The following CCSER1 variants were observed in gnomAD, a reference collection of about 807,000 sequenced individuals.
CCSER1 encodes coiled-coil serine rich protein 1, also known as serine-rich coiled-coil domain-containing protein 1.
A neutral mutation model predicts 82.0 loss-of-function variants in CCSER1; 41 were observed. The observed-to-expected ratio is 0.50, with a 90% CI of 0.39 to 0.65. The LOEUF (loss-of-function observed/expected upper bound fraction) is 0.65. Among genes scored for constraint, CCSER1 ranks in the 30% least tolerant of loss-of-function variants. The probability of loss-of-function intolerance (pLI) is 0.00; values close to 1 mark genes in which losing one functional copy is unlikely to be tolerated. For synonymous variants in CCSER1, 414 were observed against 383.9 expected (o/e 1.08, Z -0.92); for missense variants, 1,119 against 1,064.2 (o/e 1.05, Z -0.72).
At chr4:90,143,481 A>G (rs1051501858) in intron 1 of CCSER1, among the ~76,000 whole-genome samples, 1 of 95,846 alleles carries the variant, frequency 1.0e-5, no homozygotes, top group African/African-American at 3.7e-5. Context: ...TTTCCTAGCA[A>G]GTACACACAT....
intron 10 of CCSER1, among the ~76,000 whole-genome samples, chr4:91,434,751 A>G (rs1009599925): frequency 7.2e-5 from 11 of 152,190 alleles, no homozygotes; most frequent in Non-Finnish European, 4.4e-5. Flanking sequence ...TGAACTTGCC[A>G]TACATATTCC....
chr4:90,152,792 G>A (rs1812076), intron 1 of CCSER1, among the ~76,000 whole-genome samples: 43,178 of 151,850 alleles, frequency 0.28, 7,842 homozygotes, highest in Non-Finnish European at 0.41. Context: ...TGTAGATGAT[G>A]GGAGGTGCTT....
At chr4:90,411,580 G>A (rs557007199) in intron 4 of CCSER1, among the ~76,000 whole-genome samples, 3 of 152,028 alleles carry the variant, frequency 2.0e-5, no homozygotes, top group South Asian at 4.1e-4. Flanking sequence ...ACAACACTTC[G>A]TGCTAAAAAC....
intron 10 of CCSER1, among the ~76,000 whole-genome samples, chr4:91,475,521 C>CA (rs1757544220): frequency 6.6e-6 from 1 of 151,710 alleles, no homozygotes; most frequent in African/African-American, 2.4e-5. Context: ...TTTTAAAACA[C>CA]AGAGTTTTGA....
chr4:90,534,475 G>GTGTT (rs1553935649), intron 5 of CCSER1, among the ~76,000 whole-genome samples: 82 of 150,958 alleles, frequency 5.4e-4, no homozygotes, highest in East Asian at 3.3e-3. Flanking sequence ...GTGTGTGTGT[G>GTGTT]TGTGTGTGTG....
chr4:90,193,767 A>G (rs1736077041), intron 1 of CCSER1, among the ~76,000 whole-genome samples: 1 of 152,044 alleles, frequency 6.6e-6, no homozygotes, highest in Admixed American at 6.6e-5. Flanking sequence ...TCATTTGATA[A>G]AAAAGAAAAA....
intron 6 of CCSER1, among the ~76,000 whole-genome samples, chr4:90,672,752 C>G (rs11097259): frequency 0.46 from 69,779 of 151,828 alleles, 16,424 homozygotes; most frequent in Middle Eastern, 0.59. Context: ...GTAACTCTTC[C>G]TTTCACTTGA....
chr4:91,363,487 G>T (rs1380654842), intron 10 of CCSER1, among the ~76,000 whole-genome samples: 1 of 151,402 alleles, frequency 6.6e-6, no homozygotes, highest in African/African-American at 2.4e-5. Context: ...TAACTAAACT[G>T]GCTTGTCAAG....
At chr4:91,283,386 G>A (rs1743059965) in intron 10 of CCSER1, among the ~76,000 whole-genome samples, 1 of 151,860 alleles carries the variant, frequency 6.6e-6, no homozygotes, top group African/African-American at 2.4e-5. Context: ...TAGTATTTGA[G>A]GTAGAAAAAG....
At chr4:91,410,844 T>G (rs1752978512) in intron 10 of CCSER1, among the ~76,000 whole-genome samples, 1 of 152,128 alleles carries the variant, frequency 6.6e-6, no homozygotes, top group African/African-American at 2.4e-5. Flanking sequence ...CAAACATGAT[T>G]TATGATAATG....
intron 1 of CCSER1, among the ~76,000 whole-genome samples, chr4:90,258,193 A>G (rs917926394): frequency 6.6e-5 from 10 of 152,188 alleles, no homozygotes; most frequent in African/African-American, 2.2e-4. Flanking sequence ...CTGGTATGAC[A>G]TCACAGAAAA....
rs1215609189 is a variant in CCSER1, at chr4:90,391,485, TACAC to T, written c.1510-8543_1510-8540del. Among the ~76,000 whole-genome samples, 537 of 76,554 alleles carry T rather than the reference TACAC, an allele frequency of 7.0e-3. 9 individuals are homozygous for T. The highest frequency in any genetic ancestry group is 0.028 in the African/African-American group (366 of 13,062). 50.2% of individuals were successfully genotyped at this position (76,554 alleles called of 152,430 possible). A position where few individuals can be genotyped will look rare whatever the true frequency, so the allele number is the denominator to read the frequency against. On this transcript the variant is annotated intron_variant, in intron 3 of 10. Coordinates refer to ENST00000509176, the MANE Select transcript of CCSER1 (RefSeq NM_001145065.2). ...ATATATATATATATATATATATATA[TACAC>T]ACACACAGTGGGTAAATATATATAT...
At chr4:90,408,371 G>A (rs966870056) in intron 4 of CCSER1, among the ~76,000 whole-genome samples, 3 of 152,176 alleles carry the variant, frequency 2.0e-5, no homozygotes, top group Non-Finnish European at 2.9e-5. Flanking sequence ...AGCCTAACTG[G>A]GAGGCATCCC....
At chr4:91,079,142 T>C (rs1336898083) in intron 9 of CCSER1, among the ~76,000 whole-genome samples, 1 of 151,914 alleles carries the variant, frequency 6.6e-6, no homozygotes, top group Admixed American at 6.6e-5. Context: ...TCACCAAAGT[T>C]GAAACAAAGG....
intron 10 of CCSER1, among the ~76,000 whole-genome samples, chr4:91,369,731 C>T (rs1038676191): frequency 7.9e-5 from 10 of 126,972 alleles, no homozygotes; most frequent in African/African-American, 1.5e-4. Context: ...TGCAGTGGCA[C>T]GATCTTGGCT....
intron 10 of CCSER1, among the ~76,000 whole-genome samples, chr4:91,379,079 C>G (rs576880988): frequency 7.9e-5 from 12 of 152,046 alleles, no homozygotes; most frequent in Non-Finnish European, 1.3e-4. Flanking sequence ...GTTGAACCAG[C>G]CTTGCATCCC....
At chr4:90,570,275 T>C (rs1465639255) in intron 5 of CCSER1, among the ~76,000 whole-genome samples, 4 of 152,250 alleles carry the variant, frequency 2.6e-5, no homozygotes, top group Non-Finnish European at 5.9e-5. Context: ...GATCTAGGCT[T>C]GGAAGAAGCC....
chr4:90,575,202 T>A (rs563915112), intron 5 of CCSER1, among the ~76,000 whole-genome samples: 1 of 152,350 alleles, frequency 6.6e-6, no homozygotes, highest in South Asian at 2.1e-4. Context: ...ACTGAGTAAT[T>A]TATAATGAAT....
At chr4:90,805,859 A>G (rs1466392257) in intron 7 of CCSER1, among the ~76,000 whole-genome samples, 3 of 152,206 alleles carry the variant, frequency 2.0e-5, no homozygotes, top group Admixed American at 6.5e-5. Context: ...AATACCAAGA[A>G]TATTAAAATC....
Sources: allele counts gnomAD v4.1 joint callset (sites outside exome capture counted in the v4.1 genomes callset), GRCh38; gene constraint gnomAD v4.1.1; transcripts MANE v1.5; gene names NCBI Gene and HGNC (gene_info 2026-07-23, HGNC 2026-07-21).